The following TXNDC8 variants were observed in gnomAD, a reference collection of about 807,000 sequenced individuals.
TXNDC8 encodes thioredoxin domain containing 8.
TXNDC8 carries 15 observed loss-of-function variants against 12.9 expected under a neutral mutation model. The ratio of observed to expected loss-of-function variants is 1.16; its 90% CI spans 0.78 to 1.79. The LOEUF is 1.79. Among genes scored for constraint, TXNDC8 ranks in the 40% most tolerant of loss-of-function variants. TXNDC8 has a pLI of 0.00. For synonymous variants in TXNDC8, 40 were observed against 35.4 expected, an observed-to-expected ratio of 1.13 and a Z score of -0.46; for missense variants, 128 against 113.2, an observed-to-expected ratio of 1.13 and a Z score of -0.59.
chr9:110,329,258 CA>C, intron 2 of TXNDC8: 2 of 1,610,990 alleles, frequency 1.2e-6, no homozygotes, highest in South Asian at 1.1e-5. Context: ...TCCACATTAG[CA>C]AAAAATACAT....
chr9:110,303,972 C>T (rs1373226401), intron 4 of TXNDC8, among the ~76,000 whole-genome samples: 1 of 152,174 alleles, frequency 6.6e-6, no homozygotes, highest in Non-Finnish European at 1.5e-5. Flanking sequence ...TGGGATTTGT[C>T]ATTCCCTGAC....
At chr9:110,333,630 T>C (rs890478485) in intron 2 of TXNDC8, among the ~76,000 whole-genome samples, 1 of 152,188 alleles carries the variant, frequency 6.6e-6, no homozygotes, top group Non-Finnish European at 1.5e-5. Flanking sequence ...TTGGAGGTGA[T>C]GGATTTTGAT....
chr9:110,322,492 C>T, intron 3 of TXNDC8: 1 of 985,392 alleles, frequency 1.0e-6, no homozygotes, highest in African/African-American at 1.7e-5. Flanking sequence ...TGTCCTCTCT[C>T]CCCAGCTTAT....
intron 3 of TXNDC8, among the ~76,000 whole-genome samples, chr9:110,307,002 T>C (rs2118704275): frequency 6.6e-6 from 1 of 152,210 alleles, no homozygotes; most frequent in African/African-American, 2.4e-5. Flanking sequence ...AGTGCAGTGA[T>C]GCGATCATAG....
chr9:110,317,661 A>G (rs1465012230), intron 3 of TXNDC8, among the ~76,000 whole-genome samples: 2 of 152,248 alleles, frequency 1.3e-5, no homozygotes, highest in Admixed American at 1.3e-4. Context: ...GGGTCACCCC[A>G]ATGTCTAGGC....
chr9:110,337,715 A>C (rs78524643), intron 1 of TXNDC8, 58 bp downstream of exon 1: 7 of 1,558,362 alleles, frequency 4.5e-6, no homozygotes, highest in Non-Finnish European at 6.2e-6. Context: ...AAGTTTTTCA[A>C]ATCTGTTCCC....
chr9:110,315,835 G>A (rs1051524408), intron 3 of TXNDC8, among the ~76,000 whole-genome samples: 10 of 145,730 alleles, frequency 6.9e-5, no homozygotes, highest in South Asian at 4.5e-4. Context: ...TTTTTTTGGC[G>A]GCAGGGGAGG....
At chr9:110,314,832 G>T (rs1392303377) in intron 3 of TXNDC8, among the ~76,000 whole-genome samples, 1 of 152,100 alleles carries the variant, frequency 6.6e-6, no homozygotes, top group Admixed American at 6.6e-5. Context: ...CCTCTCAAAG[G>T]CATGCTCCAC....
chr9:110,337,687 A>T, intron 1 of TXNDC8, 86 bp downstream of exon 1: 1 of 1,258,866 alleles, frequency 7.9e-7, no homozygotes, highest in Non-Finnish European at 1.2e-6. Context: ...AATACTGGAT[A>T]GAGAGAACAC....
chr9:110,301,477 A>C (rs967756422), downstream of TXNDC8, among the ~76,000 whole-genome samples: 1 of 152,176 alleles, frequency 6.6e-6, no homozygotes, highest in African/African-American at 2.4e-5. Flanking sequence ...CAACATTTTA[A>C]GTCTTTTCAG....
chr9:110,328,982 C>G (rs1049261953), intron 2 of TXNDC8, among the ~76,000 whole-genome samples: 3 of 152,158 alleles, frequency 2.0e-5, no homozygotes, highest in Non-Finnish European at 4.4e-5. Context: ...ATTAGTGAGG[C>G]CTGCCACAGC....
intron 2 of TXNDC8, 135 bp from the exon 4 acceptor site, chr9:110,326,375 A>G (rs113491123): frequency 6.5e-5 from 47 of 724,308 alleles, no homozygotes; most frequent in African/African-American, 5.5e-4. Flanking sequence ...CTCTCCTGCT[A>G]TGAACTTTTC....
rs1839311473 is a variant in TXNDC8 at position 110,326,212 on chromosome 9, G to T, written c.158C>A (p.Thr53Lys). 6.2e-7 allele frequency: 1 copy of T among 1,613,942 alleles called. No individual in the cohort carries two copies. The highest frequency in any genetic ancestry group is 8.5e-7 in the Non-Finnish European group (1 of 1,179,980). The stretch of plus-strand genomic sequence containing the variant: ...CTTGAACATCTGAAATGTGGGTATT[G>T]TTTTGATGTGACAAGTTTCAGCCAG... The change falls in exon 3 of 5, where the codon ACA becomes AAA. Residue 53 changes from threonine to lysine, a missense_variant. Coordinates refer to ENST00000423740, the MANE Select transcript of TXNDC8 (RefSeq NM_001286946.2).
Position 110,314,491 on chromosome 9 carries a change from G to A in TXNDC8, c.196-9959C>T, listed in dbSNP as rs573489206. On this transcript the variant is annotated intron_variant, in intron 3 of 4. Transcript: ENST00000423740. ...TCTGTCACCCAGGCTGGAGTGCAGT[G>A]GCGCGATCTCGGCTCACTGCAAGCT... is the stretch of plus-strand genomic sequence containing the variant. Among the ~76,000 whole-genome samples, 11 of 144,984 alleles carry A rather than the reference G, an allele frequency of 7.6e-5. No individual in the cohort carries two copies. The South Asian group carries it at 2.4e-3, about 31-fold the overall frequency.
intron 3 of TXNDC8, among the ~76,000 whole-genome samples, chr9:110,316,234 A>T (rs1838882005): frequency 6.6e-6 from 1 of 152,056 alleles, no homozygotes; most frequent in African/African-American, 2.4e-5. Context: ...ATAATTTTAT[A>T]ATTTATAATG....
downstream of TXNDC8, among the ~76,000 whole-genome samples, chr9:110,301,676 G>A (rs1838273191): frequency 6.6e-6 from 1 of 152,108 alleles, no homozygotes; most frequent in African/African-American, 2.4e-5. Flanking sequence ...CCAGCACGAA[G>A]ACTGGAAAAT....
intron 3 of TXNDC8, chr9:110,322,978 G>A (rs1839168591): frequency 1.0e-6 from 1 of 985,406 alleles, no homozygotes; most frequent in African/African-American, 1.7e-5. Flanking sequence ...AACAGAGAAA[G>A]GCTTGGAGCA....
chr9:110,327,326 A>G, intron 2 of TXNDC8, among the ~76,000 whole-genome samples: 1 of 114,184 alleles, frequency 8.8e-6, no homozygotes, highest in East Asian at 2.1e-4. Flanking sequence ...TATACTATAT[A>G]TTTTTTTTTT....
chr9:110,304,748 G>A (rs1390923988), intron 3 of TXNDC8, among the ~76,000 whole-genome samples: 2 of 152,202 alleles, frequency 1.3e-5, no homozygotes, highest in East Asian at 1.9e-4. Context: ...GTCAGAACTC[G>A]TGCAAAGATA....
Sources: allele counts gnomAD v4.1 joint callset (sites outside exome capture counted in the v4.1 genomes callset), GRCh38; gene constraint gnomAD v4.1.1; transcripts MANE v1.5; gene names NCBI Gene and HGNC (gene_info 2026-07-23, HGNC 2026-07-21).